PTPRD: variants seen among roughly 807,000 people sequenced by gnomAD.
The protein encoded by PTPRD is protein tyrosine phosphatase receptor type D.
In PTPRD, 34 loss-of-function variants were observed where a neutral mutation model predicts 214.5. The observed-to-expected ratio is 0.16, with a 90% CI of 0.12 to 0.21. PTPRD has a LOEUF of 0.21. PTPRD is among the 10% of genes least tolerant of loss of function. The pLI, the probability that PTPRD is intolerant of heterozygous loss-of-function variation, is 1.00. For synonymous variants in PTPRD, 1,128 were observed against 845.7 expected, an observed-to-expected ratio of 1.33 and a Z score of -5.79; for missense variants, 2,545 against 2,398.7, an observed-to-expected ratio of 1.06 and a Z score of -1.27.
chr9:9,753,720 G>A (rs2098543515), intron 6 of PTPRD, among the ~76,000 whole-genome samples: 1 of 151,938 alleles, frequency 6.6e-6, no homozygotes, highest in Admixed American at 6.6e-5. Context: ...TGTCGCAGAT[G>A]CTCTCTGAAA....
chr9:8,385,306 T>C (rs10815843), intron 37 of PTPRD, among the ~76,000 whole-genome samples: 64,282 of 152,038 alleles, frequency 0.42, 15,107 homozygotes, highest in East Asian at 0.63. Context: ...GTGGAAGGAC[T>C]GCTTCAGGCC....
rs146596907 is a variant in PTPRD, at chr9:8,486,245, G to C, written c.2572C>G (p.Leu858Val). 8.1e-6 allele frequency: 13 copies of C among 1,614,088 alleles called. No individual in the cohort carries two copies. Among genetic ancestry groups the C allele is most frequent in the South Asian group, 1.1e-5 (1 of 91,088 alleles). The stretch of plus-strand genomic sequence containing the variant: ...TCCATATCCTTGCGGCCAAATTTTA[G>C]ACGGTAGCCCTGAAGAGGTCCAAAT... ...DTFGPLQGYR[L>V]KFGRKDMEPL... is the part of the protein sequence containing the mutation. Residue 858 changes from leucine (L) to valine (V), a missense_variant, in exon 28 of 46, where the codon CTA (leucine) becomes GTA (valine). Coordinates refer to ENST00000381196, the MANE Select transcript of PTPRD (RefSeq NM_002839.4).
chr9:9,947,054 C>T (rs1197664708), intron 4 of PTPRD, among the ~76,000 whole-genome samples: 1 of 150,524 alleles, frequency 6.6e-6, no homozygotes, highest in Non-Finnish European at 1.5e-5. Context: ...ATCCCAAGAG[C>T]CCCAAAATAC....
At chr9:8,586,095 A>G (rs1323559972) in intron 14 of PTPRD, among the ~76,000 whole-genome samples, 1 of 152,114 alleles carries the variant, frequency 6.6e-6, no homozygotes, top group East Asian at 1.9e-4. Context: ...AGGTCAGGAG[A>G]TAGAGACCAG....
chr9:8,376,013 A>G lies in PTPRD; in HGVS notation c.4584T>C (p.Pro1528=). The G allele has an allele frequency of 1.2e-6, 2 of 1,613,028 alleles. No individual in the cohort carries two copies. Among genetic ancestry groups the G allele is most frequent in the Non-Finnish European group, 1.7e-6 (2 of 1,179,310 alleles). ...TACGTAAGAAAGCTAGAAAAGGTGT[A>G]GGGTGTTCTGGAACACCATGATCAG... ...AWPDHGVPEH[P]TPFLAFLRRV... The change falls in exon 39 of 46, where the codon CCT becomes CCC. Residue 1528 remains proline (P), a synonymous_variant. Coordinates refer to ENST00000381196, the MANE Select transcript of PTPRD (RefSeq NM_002839.4).
chr9:10,039,008 G>A (rs1421884190), intron 3 of PTPRD, among the ~76,000 whole-genome samples: 1 of 151,982 alleles, frequency 6.6e-6, no homozygotes, highest in East Asian at 1.9e-4. Context: ...GTACAAAAAT[G>A]TATGACTATG....
chr9:9,357,865 T>C (rs75668208), intron 9 of PTPRD, among the ~76,000 whole-genome samples: 34,931 of 150,762 alleles, frequency 0.23, 4,934 homozygotes, highest in African/African-American at 0.39. Flanking sequence ...TCCTTTTTTT[T>C]CCCAGGTAAC....
At chr9:9,810,882 G>A (rs1027575838) in intron 5 of PTPRD, among the ~76,000 whole-genome samples, 1 of 151,514 alleles carries the variant, frequency 6.6e-6, no homozygotes, top group Non-Finnish European at 1.5e-5. Flanking sequence ...AAAGGATTCA[G>A]CATTCTAGAT....
chr9:9,933,100 C>G (rs1413949043), intron 5 of PTPRD, among the ~76,000 whole-genome samples: 1 of 152,044 alleles, frequency 6.6e-6, no homozygotes, highest in Non-Finnish European at 1.5e-5. Flanking sequence ...AAAGGAACAA[C>G]TGGTACCAGC....
intron 10 of PTPRD, among the ~76,000 whole-genome samples, chr9:9,056,593 T>A (rs1429403961): frequency 6.6e-6 from 1 of 152,214 alleles, no homozygotes; most frequent in African/African-American, 2.4e-5. Context: ...TTTAATCTCA[T>A]AAGAAAAGAG....
At chr9:8,856,486 A>C (rs2154544338) in intron 11 of PTPRD, among the ~76,000 whole-genome samples, 2 of 152,318 alleles carry the variant, frequency 1.3e-5, no homozygotes, top group South Asian at 4.1e-4. Context: ...GAGAGGTTCA[A>C]ACTGTGTGAG....
intron 34 of PTPRD, among the ~76,000 whole-genome samples, chr9:8,446,342 T>C (rs1268319074): frequency 6.6e-6 from 1 of 152,224 alleles, no homozygotes; most frequent in Middle Eastern, 3.2e-3. Context: ...TAACTTAGAA[T>C]GTAAATCAAT....
chr9:9,684,693 T>G (rs1217865789), intron 7 of PTPRD, among the ~76,000 whole-genome samples: 1 of 149,050 alleles, frequency 6.7e-6, no homozygotes, highest in East Asian at 2.0e-4. Flanking sequence ...AATACAGCAT[T>G]TGTGTGTGTG....
At chr9:9,680,869 C>A (rs572651089) in intron 7 of PTPRD, among the ~76,000 whole-genome samples, 1 of 151,770 alleles carries the variant, frequency 6.6e-6, no homozygotes, top group Non-Finnish European at 1.5e-5. Context: ...GAGCACATAT[C>A]TTTTCTTACT....
chr9:8,725,867 G>T (rs10122099), intron 12 of PTPRD, among the ~76,000 whole-genome samples: 80,359 of 151,928 alleles, frequency 0.53, 21,434 homozygotes, highest in Middle Eastern at 0.55. Flanking sequence ...ACTTACTGCC[G>T]AGAGACAAAG....
At chr9:8,392,384 G>T (rs2089900335) in intron 36 of PTPRD, among the ~76,000 whole-genome samples, 1 of 151,978 alleles carries the variant, frequency 6.6e-6, no homozygotes, top group South Asian at 2.1e-4. Context: ...AACTTGGCTG[G>T]ATATGGTCAT....
intron 11 of PTPRD, among the ~76,000 whole-genome samples, chr9:8,981,835 T>C (rs1050918543): frequency 6.6e-6 from 1 of 152,048 alleles, no homozygotes; most frequent in Non-Finnish European, 1.5e-5. Context: ...ATTTGGAAAA[T>C]AAAATTCTCT....
At chr9:9,605,673 G>A (rs1042239077) in intron 7 of PTPRD, among the ~76,000 whole-genome samples, 5 of 152,026 alleles carry the variant, frequency 3.3e-5, no homozygotes, top group Admixed American at 6.6e-5. Context: ...AGTTGAGACT[G>A]GAGTCAGGGA....
intron 6 of PTPRD, among the ~76,000 whole-genome samples, chr9:9,751,161 A>G (rs1356270232): frequency 1.3e-5 from 2 of 150,384 alleles, no homozygotes; most frequent in African/African-American, 4.8e-5. Flanking sequence ...TTAAATCTCC[A>G]CTAAGTATTG....
Sources: gnomAD v4.1 joint callset for allele counts (sites outside exome capture counted in the v4.1 genomes callset) on GRCh38, gnomAD v4.1.1 for gene constraint, MANE v1.5 for transcripts, NCBI Gene and HGNC (gene_info 2026-07-23, HGNC 2026-07-21) for gene names.